CCDC14: variants seen among roughly 807,000 people sequenced by gnomAD.
CCDC14 encodes coiled-coil domain containing 14, also known as coiled-coil domain-containing protein 14.
In CCDC14, 71 loss-of-function variants were observed where a neutral mutation model predicts 81.4. The observed-to-expected ratio is 0.87, with a 90% CI of 0.72 to 1.06. CCDC14 has a LOEUF of 1.06. Ranked by LOEUF, CCDC14 falls within the 50% of genes least tolerant of loss-of-function variation. The probability of loss-of-function intolerance (pLI) is 0.00; values close to 1 mark genes in which losing one functional copy is unlikely to be tolerated. For missense variants in CCDC14, 1,046 were observed against 1,047.3 expected (o/e 1.00, Z 0.02); for synonymous variants, 332 against 364.8 (o/e 0.91, Z 1.03).
chr3:123,927,477 C>G (rs1238004674), intron 12 of CCDC14, among the ~76,000 whole-genome samples: 1 of 152,060 alleles, frequency 6.6e-6, no homozygotes, highest in African/African-American at 2.4e-5. Flanking sequence ...GAAGCTGTTT[C>G]TAAATCTTTA....
the CCDC14 span, among the ~76,000 whole-genome samples, chr3:123,890,301 T>C: frequency 6.6e-6 from 1 of 152,176 alleles, no homozygotes; most frequent in African/African-American, 2.4e-5. Context: ...TCCTCACATT[T>C]CAAAACCAAT....
At chr3:123,939,902 T>A (rs879370409) in intron 9 of CCDC14, among the ~76,000 whole-genome samples, 1 of 151,838 alleles carries the variant, frequency 6.6e-6, no homozygotes, top group East Asian at 1.9e-4. Context: ...AGAGTTCATG[T>A]TGGGGATGAA....
Position 123,914,416 on chromosome 3 carries a change from C to G in CCDC14, c.*363G>C, listed in dbSNP as rs981795155. ...CCTCTAGTTTCAACAGAAAAACTTA[C>G]ATCCAGAGATTCTTTTCCCATTATT... On this transcript the variant is annotated 3_prime_UTR_variant, in exon 13 of 13. Transcript: ENST00000409697. 2.0e-6 allele frequency: 2 copies of G among 987,810 alleles called. No homozygotes were observed. The highest frequency in any genetic ancestry group is 2.4e-6 in the Non-Finnish European group (2 of 832,056). The allele number at this position is 987,810 out of a possible 1,614,324, so 61.2% of individuals were successfully genotyped here. A position where few individuals can be genotyped will look rare whatever the true frequency, so the allele number is the denominator to read the frequency against.
intron 12 of CCDC14, among the ~76,000 whole-genome samples, chr3:123,923,323 T>C (rs1376281556): frequency 6.6e-6 from 1 of 152,008 alleles, no homozygotes; most frequent in Non-Finnish European, 1.5e-5. Flanking sequence ...ATAGTTAACA[T>C]CATACTCAGT....
chr3:123,898,884 G>GTTTTTTTTTTT (rs10675830), intron 5 of CCDC14, among the ~76,000 whole-genome samples: 1 of 139,598 alleles, frequency 7.2e-6, no homozygotes, highest in African/African-American at 2.6e-5. Context: ...TTGTTTGGTT[G>GTTTTTTTTTTT]TTTTTTTTTT....
intron 12 of CCDC14, among the ~76,000 whole-genome samples, chr3:123,921,205 C>A (rs531844363): frequency 2.3e-4 from 35 of 152,210 alleles, no homozygotes; most frequent in African/African-American, 8.4e-4. Flanking sequence ...TCAACAATTA[C>A]CTTGAATGTA....
At chr3:123,925,473 T>A (rs1481562864) in intron 12 of CCDC14, among the ~76,000 whole-genome samples, 1 of 152,124 alleles carries the variant, frequency 6.6e-6, no homozygotes, top group Admixed American at 6.5e-5. Flanking sequence ...TTTTGTTCTG[T>A]TGCCCAAGCT....
At chr3:123,918,798 A>G (rs1257675198) in intron 12 of CCDC14, among the ~76,000 whole-genome samples, 3 of 152,204 alleles carry the variant, frequency 2.0e-5, no homozygotes, top group Non-Finnish European at 4.4e-5. Context: ...CATAGCGGCT[A>G]CAGCACAGAT....
Position 123,915,170 on chromosome 3 carries a change from T to G in CCDC14, c.2327A>C (p.Lys776Thr). Residue 776 changes from lysine to threonine, a missense_variant, in exon 13 of 13, where the codon AAA becomes ACA. Coordinates refer to ENST00000409697, the MANE Select transcript of CCDC14 (RefSeq NM_001366335.1). ...SGLAVSGKEN[K>T]LCTPVICSSS... ...GGAACAGATTACAGGTGTACACAGT[T>G]TATTTTCTTTTCCAGAGACAGCAAG... The G allele has an allele frequency of 6.2e-7, 1 of 1,613,954 alleles. No individual in the cohort carries two copies. Among genetic ancestry groups the G allele is most frequent in the Non-Finnish European group, 8.5e-7 (1 of 1,179,854 alleles).
chr3:123,915,093 C>T lies in CCDC14; in HGVS notation c.2404G>A (p.Asp802Asn), dbSNP rs370985632. Residue 802 changes from aspartate (D) to asparagine (N), a missense_variant, in exon 13 of 13, where the codon GAT becomes AAT. Coordinates refer to ENST00000409697, the MANE Select transcript of CCDC14 (RefSeq NM_001366335.1). ...DAPEKLSRAS[D>N]MKDTQLLKKI... ...TTGAGGAGCTGTGTGTCCTTCATATCAGATGCTCTGGAAAGTTTTTCAGGT... is the reference window on the plus strand; with the variant it reads ...TTGAGGAGCTGTGTGTCCTTCATATTAGATGCTCTGGAAAGTTTTTCAGGT... The T allele has an allele frequency of 1.2e-6, 2 of 1,613,994 alleles. No homozygotes were observed. The highest frequency in any genetic ancestry group is 1.7e-6 in the Non-Finnish European group (2 of 1,179,882).
At chr3:123,917,502 A>G (rs1055094188) in intron 12 of CCDC14, among the ~76,000 whole-genome samples, 9 of 143,494 alleles carry the variant, frequency 6.3e-5, no homozygotes, top group Non-Finnish European at 1.2e-4. Flanking sequence ...CTCAACCAAA[A>G]AAAAAAACAA....
chr3:123,938,635 A>G (rs1408236905), intron 9 of CCDC14, among the ~76,000 whole-genome samples: 4 of 151,982 alleles, frequency 2.6e-5, no homozygotes, highest in Non-Finnish European at 5.9e-5. Context: ...GCACATTGTT[A>G]AACAGAAATA....
intron 9 of CCDC14, among the ~76,000 whole-genome samples, chr3:123,934,099 C>T (rs1314543172): frequency 6.6e-6 from 1 of 151,814 alleles, no homozygotes; most frequent in Admixed American, 6.6e-5. Flanking sequence ...ATGGCGAAAC[C>T]CCATCTCTAC....
chr3:123,947,543 T>C (rs1431497878), intron 7 of CCDC14, among the ~76,000 whole-genome samples: 1 of 152,196 alleles, frequency 6.6e-6, no homozygotes, highest in Non-Finnish European at 1.5e-5. Flanking sequence ...AGTTTTTCAC[T>C]GCTGAAACAT....
rs527794641 is a variant in CCDC14 at position 123,913,899 on chromosome 3, G to A, written c.*880C>T. 12 of 985,312 alleles carry A rather than the reference G, an allele frequency of 1.2e-5. No individual in the cohort carries two copies. The East Asian group carries it at 1.1e-3, about 93-fold the overall frequency. 61.0% of individuals were successfully genotyped at this position (985,312 alleles called of 1,614,324 possible). On this transcript the variant is annotated 3_prime_UTR_variant, in exon 13 of 13. Transcript: ENST00000409697. The stretch of plus-strand genomic sequence containing the variant: ...AGCTAAGAAGTCCTGGTATAGAGAA[G>A]CAGAGAGACCAACCTACTTCATATT...
At chr3:123,922,852 A>C (rs1368305738) in intron 12 of CCDC14, among the ~76,000 whole-genome samples, 1 of 152,112 alleles carries the variant, frequency 6.6e-6, no homozygotes, top group East Asian at 1.9e-4. Flanking sequence ...AAGTGCAGGG[A>C]ATTTTTCCAA....
At chr3:123,904,206 C>T (rs2034248309) in intron 5 of CCDC14, among the ~76,000 whole-genome samples, 3 of 152,016 alleles carry the variant, frequency 2.0e-5, no homozygotes, top group South Asian at 4.2e-4. Flanking sequence ...CCCTAAGGTA[C>T]TTCTAAGTCA....
In CCDC14 at chr3:123,933,662, C is replaced by A. The variant is rs367691891; in HGVS notation, c.1426+11G>T. On this transcript the variant is annotated intron_variant, in intron 10 of 12. Transcript: ENST00000409697. The stretch of plus-strand genomic sequence containing the variant: ...AAATAATTTATCAATCCTTAAAGTT[C>A]TTTTACCTACATTCAAGGTTGCAAT... 1.3e-6 allele frequency: 2 copies of A among 1,549,414 alleles called. No individual in the cohort carries two copies. Among genetic ancestry groups the A allele is most frequent in the African/African-American group, 1.4e-5 (1 of 73,618 alleles).
intron 5 of CCDC14, among the ~76,000 whole-genome samples, chr3:123,900,802 G>T (rs2034163356): frequency 6.6e-6 from 1 of 151,938 alleles, no homozygotes; most frequent in African/African-American, 2.4e-5. Flanking sequence ...GTTAATTCTA[G>T]AAATTTTAAT....
Sources: allele counts gnomAD v4.1 joint callset (sites outside exome capture counted in the v4.1 genomes callset), GRCh38; gene constraint gnomAD v4.1.1; transcripts MANE v1.5; gene names NCBI Gene and HGNC (gene_info 2026-07-23, HGNC 2026-07-21).